Variants in ESCO2 observed in about 807,000 individuals in gnomAD.
ESCO2 encodes establishment of sister chromatid cohesion N-acetyltransferase 2, also known as N-acetyltransferase ESCO2.
Under a neutral mutation model 61.7 loss-of-function variants are expected in ESCO2, and 51 were observed. That is an observed-to-expected ratio of 0.83 (90% CI 0.66 to 1.04). The LOEUF (loss-of-function observed/expected upper bound fraction) is 1.04, where lower values mean the gene tolerates loss of function less well. Ranked by LOEUF, ESCO2 falls within the 50% of genes least tolerant of loss-of-function variation. The probability of loss-of-function intolerance (pLI) is 0.00; values close to 1 mark genes in which losing one functional copy is unlikely to be tolerated. For missense variants in ESCO2, 692 were observed against 686.2 expected (o/e 1.01, Z -0.09); for synonymous variants, 230 against 238.2 (o/e 0.97, Z 0.32).
chr8:27,774,663 G>C (rs1804744334), intron 1 of ESCO2, 56 bp downstream of exon 1: 1 of 152,618 alleles, frequency 6.6e-6, no homozygotes, highest in South Asian at 2.1e-4. Flanking sequence ...GCGAGCGGGA[G>C]ACCCTGTGGA....
At chr8:27,797,082 G>A (rs147486791) in intron 9 of ESCO2, among the ~76,000 whole-genome samples, 4 of 152,018 alleles carry the variant, frequency 2.6e-5, no homozygotes, top group South Asian at 2.1e-4. Flanking sequence ...AGTGCACTCC[G>A]CTCAGGGCAA....
At chr8:27,795,098 G>C (rs1209017189) in intron 9 of ESCO2, among the ~76,000 whole-genome samples, 1 of 152,134 alleles carries the variant, frequency 6.6e-6, no homozygotes, top group African/African-American at 2.4e-5. Context: ...TGCATTTGTA[G>C]ATTGCTTTGG....
At chr8:27,785,293 C>G (rs569014067) in intron 5 of ESCO2, among the ~76,000 whole-genome samples, 25 of 152,318 alleles carry the variant, frequency 1.6e-4, no homozygotes, top group African/African-American at 5.3e-4. Flanking sequence ...CCCCACCTCC[C>G]AAAACTGTTG....
rs149604337 is a variant in ESCO2 at position 27,787,955 on chromosome 8, A to G, written c.1084A>G (p.Thr362Ala). 5 of 1,613,718 alleles carry G rather than the reference A, an allele frequency of 3.1e-6. No homozygotes were observed. The African/African-American group carries it at 6.7e-5, about 22-fold the overall frequency. Reference protein sequence around the residue: ...FMKQTNIQKNTNTRDTSKKTK... With the variant: ...FMKQTNIQKNANTRDTSKKTK... ...GAAACAGACCAATATCCAGAAAAAT[A>G]CTAATACCAGAGATACAAGTAAAAA... Residue 362 changes from threonine to alanine, a missense_variant, in exon 6 of 11, where the codon ACT (threonine) becomes GCT (alanine). Coordinates refer to ENST00000305188, the MANE Select transcript of ESCO2 (RefSeq NM_001017420.3).
chr8:27,792,519 G>A, intron 8 of ESCO2, 149 bp from the exon 9 acceptor site: 2 of 823,674 alleles, frequency 2.4e-6, no homozygotes, highest in South Asian at 4.0e-5. Context: ...TGCATCAATA[G>A]TGAAATAATT....
At chr8:27,786,562 C>T (rs1805046332) in intron 5 of ESCO2, among the ~76,000 whole-genome samples, 1 of 152,136 alleles carries the variant, frequency 6.6e-6, no homozygotes, top group Non-Finnish European at 1.5e-5. Context: ...TTAGTCACAA[C>T]CCTCATTCTT....
chr8:27,801,323 A>C (rs931448857), intron 10 of ESCO2, among the ~76,000 whole-genome samples: 3 of 152,200 alleles, frequency 2.0e-5, no homozygotes, highest in Non-Finnish European at 4.4e-5. Context: ...CACTTTAACC[A>C]AACCAAAGAC....
intron 9 of ESCO2, among the ~76,000 whole-genome samples, chr8:27,799,325 T>C (rs1805372260): frequency 6.6e-6 from 1 of 152,198 alleles, no homozygotes; most frequent in Non-Finnish European, 1.5e-5. Flanking sequence ...CTCGTAATGC[T>C]ATGGGACACA....
At position 27,793,769 on chromosome 8, in the gene ESCO2, G is replaced by A. The variant is rs539748086; in HGVS notation, c.1497+958G>A. Among the ~76,000 whole-genome samples, 19 of 152,280 alleles carry A rather than the reference G, an allele frequency of 1.2e-4. No individual in the cohort carries two copies. In the East Asian group the frequency reaches 2.5e-3, roughly 20 times the overall value. ...CAAATTGCTGGGATTACAGGCATGA[G>A]CCACCGCACCCGGCCTTTAGCAATT... On this transcript the variant is annotated intron_variant, in intron 9 of 10. Coordinates refer to ENST00000305188, the MANE Select transcript of ESCO2 (RefSeq NM_001017420.3).
chr8:27,808,219 G>A (rs1045057817), downstream of ESCO2: 4 of 1,247,198 alleles, frequency 3.2e-6, no homozygotes, highest in African/African-American at 6.2e-5. Context: ...ATAGGTACCA[G>A]GAGACATGAA....
upstream of ESCO2, chr8:27,772,755 G>A: frequency 1.8e-6 from 1 of 563,786 alleles, no homozygotes; most frequent in Non-Finnish European, 3.2e-6. Context: ...GTGATTTGTG[G>A]GTTAAGGGAA....
intron 2 of ESCO2, 126 bp downstream of exon 2, chr8:27,775,693 GATAACCTA>G (rs1804774443): frequency 3.7e-6 from 3 of 815,450 alleles, no homozygotes; most frequent in Non-Finnish European, 4.3e-6. Flanking sequence ...GTGATAACCT[GATAACCTA>G]TATTCTAATT....
At chr8:27,814,221 T>C (rs28764780), downstream of ESCO2, among the ~76,000 whole-genome samples, 111 of 152,308 alleles carry the variant, frequency 7.3e-4, no homozygotes, top group African/African-American at 2.6e-3. Flanking sequence ...TTAGTAGACA[T>C]AGGGCTATGT....
intron 9 of ESCO2, among the ~76,000 whole-genome samples, chr8:27,798,323 G>T (rs1319560083): frequency 1.3e-5 from 2 of 152,136 alleles, no homozygotes; most frequent in Admixed American, 6.6e-5. Flanking sequence ...AGCTGGGCGT[G>T]GTGGTGCATG....
chr8:27,775,610 C>T, intron 2 of ESCO2, 43 bp downstream of exon 2: 3 of 1,598,614 alleles, frequency 1.9e-6, no homozygotes, highest in Non-Finnish European at 2.6e-6. Context: ...AAAAATCCAC[C>T]TTCTTGTCTC....
intron 10 of ESCO2, among the ~76,000 whole-genome samples, chr8:27,802,727 TA>T: frequency 7.0e-6 from 1 of 142,844 alleles, no homozygotes; most frequent in Non-Finnish European, 1.5e-5. Context: ...GGCTTTTAAT[TA>T]ACAATATGAT....
intron 4 of ESCO2, among the ~76,000 whole-genome samples, chr8:27,783,304 G>T (rs763596157): frequency 2.0e-4 from 31 of 152,206 alleles, no homozygotes; most frequent in Non-Finnish European, 3.2e-4. Context: ...TGTATCAGTA[G>T]TAATTCTCAT....
intron 4 of ESCO2, among the ~76,000 whole-genome samples, chr8:27,782,584 T>C (rs1000043745): frequency 7.2e-5 from 11 of 152,122 alleles, no homozygotes; most frequent in African/African-American, 2.4e-4. Context: ...TTCAGTCTCT[T>C]TTTCTATATG....
chr8:27,783,632 G>T (rs1585396191), intron 4 of ESCO2, among the ~76,000 whole-genome samples: 1 of 152,004 alleles, frequency 6.6e-6, no homozygotes, highest in East Asian at 1.9e-4. Flanking sequence ...CAGAGACACA[G>T]TCTCACTAAG....
Sources: gnomAD v4.1 joint callset for allele counts (sites outside exome capture counted in the v4.1 genomes callset) on GRCh38, gnomAD v4.1.1 for gene constraint, MANE v1.5 for transcripts, NCBI Gene and HGNC (gene_info 2026-07-23, HGNC 2026-07-21) for gene names.